TENM2: variants seen among roughly 807,000 people sequenced by gnomAD.
TENM2 encodes teneurin transmembrane protein 2.
A neutral mutation model predicts 245.2 loss-of-function variants in TENM2; 52 were observed. The ratio of observed to expected loss-of-function variants is 0.21; its 90% CI spans 0.17 to 0.27. The LOEUF is 0.27. Ranked by LOEUF, TENM2 falls within the 10% of genes least tolerant of loss-of-function variation. The probability of loss-of-function intolerance (pLI) is 1.00; values close to 1 mark genes in which losing one functional copy is unlikely to be tolerated. For synonymous variants in TENM2, 1,363 were observed against 1,438.9 expected, an observed-to-expected ratio of 0.95 and a Z score of 1.19; for missense variants, 3,046 against 3,666.8, an observed-to-expected ratio of 0.83 and a Z score of 4.37.
chr5:167,312,140 C>T (rs1320888760), intron 1 of TENM2, among the ~76,000 whole-genome samples: 1 of 152,014 alleles, frequency 6.6e-6, no homozygotes, highest in Non-Finnish European at 1.5e-5. Flanking sequence ...CATAAATATA[C>T]GTATGTTAGA....
chr5:167,544,273 A>G (rs961130833), intron 2 of TENM2, among the ~76,000 whole-genome samples: 1 of 152,176 alleles, frequency 6.6e-6, no homozygotes, highest in African/African-American at 2.4e-5. Context: ...GGAGAGAATT[A>G]TCAGCACAGA....
At chr5:167,705,197 C>T (rs1442764455) in intron 2 of TENM2, among the ~76,000 whole-genome samples, 1 of 152,130 alleles carries the variant, frequency 6.6e-6, no homozygotes, top group African/African-American at 2.4e-5. Flanking sequence ...CCTATAGTAA[C>T]CCTTTTAGCA....
chr5:167,319,604 A>G (rs1756594050), intron 1 of TENM2, among the ~76,000 whole-genome samples: 1 of 152,164 alleles, frequency 6.6e-6, no homozygotes, highest in Admixed American at 6.6e-5. Flanking sequence ...AACAATACTC[A>G]GGGAAGTCTA....
the TENM2 span, among the ~76,000 whole-genome samples, chr5:167,061,336 G>A: frequency 1.3e-5 from 2 of 152,152 alleles, no homozygotes; most frequent in African/African-American, 2.4e-5. Context: ...TGGTTTGCAA[G>A]GGTAACACCT....
chr5:167,073,473 A>G, the TENM2 span, among the ~76,000 whole-genome samples: 21 of 152,276 alleles, frequency 1.4e-4, no homozygotes, highest in Admixed American at 2.6e-4. Flanking sequence ...CTCTGTGCAG[A>G]AAAGGATTTT....
intron 2 of TENM2, among the ~76,000 whole-genome samples, chr5:167,627,849 G>T (rs573000179): frequency 6.6e-6 from 1 of 152,118 alleles, no homozygotes; most frequent in Non-Finnish European, 1.5e-5. Flanking sequence ...GAGCCACCAC[G>T]CCTGGTCCGA....
At chr5:167,576,791 A>C (rs1199733200) in intron 2 of TENM2, among the ~76,000 whole-genome samples, 4 of 152,218 alleles carry the variant, frequency 2.6e-5, no homozygotes, top group African/African-American at 9.6e-5. Context: ...ATAGAATTTC[A>C]TTGCTCTGAG....
chr5:167,563,386 G>A (rs573123044), intron 2 of TENM2, among the ~76,000 whole-genome samples: 1 of 152,262 alleles, frequency 6.6e-6, no homozygotes, highest in East Asian at 1.9e-4. Context: ...CCTGTGAAAA[G>A]ACCTTCTGAT....
chr5:167,401,113 A>G (rs1762344675), intron 2 of TENM2, among the ~76,000 whole-genome samples: 1 of 152,080 alleles, frequency 6.6e-6, no homozygotes, highest in African/African-American at 2.4e-5. Flanking sequence ...AGAAATTTTT[A>G]CAAAACCTAA....
chr5:167,511,027 A>C (rs538026259), intron 2 of TENM2, among the ~76,000 whole-genome samples: 2 of 152,280 alleles, frequency 1.3e-5, no homozygotes, highest in Non-Finnish European at 2.9e-5. Context: ...ATTCCTTCTT[A>C]ACACCATCCC....
At chr5:168,182,335 A>G (rs1434080544) in intron 13 of TENM2, among the ~76,000 whole-genome samples, 1 of 152,202 alleles carries the variant, frequency 6.6e-6, no homozygotes, top group Non-Finnish European at 1.5e-5. Flanking sequence ...AGCAGGAAAT[A>G]TCATTAAGAA....
intron 19 of TENM2, among the ~76,000 whole-genome samples, chr5:168,208,056 T>C (rs1762504880): frequency 6.6e-6 from 1 of 152,186 alleles, no homozygotes; most frequent in South Asian, 2.1e-4. Context: ...CCTAAAGCCC[T>C]GGAGCAGAGT....
At chr5:167,516,466 C>T (rs958882727) in intron 2 of TENM2, among the ~76,000 whole-genome samples, 3 of 152,096 alleles carry the variant, frequency 2.0e-5, no homozygotes, top group Admixed American at 6.6e-5. Flanking sequence ...AATCTCTGCA[C>T]CTAGAAGAAT....
intron 2 of TENM2, among the ~76,000 whole-genome samples, chr5:167,803,094 C>A (rs1765902129): frequency 6.6e-6 from 1 of 152,088 alleles, no homozygotes; most frequent in Non-Finnish European, 1.5e-5. Flanking sequence ...AGAAATGTAG[C>A]AAATCAATAA....
In TENM2 at chr5:168,011,447, G is replaced by A. The variant is rs191641936; in HGVS notation, c.1186+18265G>A. 2.2e-3 allele frequency among the ~76,000 whole-genome samples: 332 copies of A among 152,320 alleles called. No individual in the cohort carries two copies. The Middle Eastern group carries it at 0.024, about 11-fold the overall frequency. On this transcript the variant is annotated intron_variant, in intron 5 of 28. Transcript: ENST00000518659. The stretch of plus-strand genomic sequence containing the variant: ...CTGCTAAACATTTTTCAATGCACAG[G>A]ACAGCCCCTGGTTAAAGAATTATCT...
intron 6 of TENM2, among the ~76,000 whole-genome samples, chr5:168,058,023 T>G (rs1789706353): frequency 6.6e-6 from 1 of 152,212 alleles, no homozygotes; most frequent in South Asian, 2.1e-4. Flanking sequence ...CAGACAATAG[T>G]GGCTCCCAGC....
At chr5:167,731,179 T>A (rs1160403615) in intron 2 of TENM2, among the ~76,000 whole-genome samples, 1 of 148,146 alleles carries the variant, frequency 6.8e-6, no homozygotes, top group East Asian at 2.0e-4. Flanking sequence ...TTGACTAAAA[T>A]GAGTTTCTAC....
intron 5 of TENM2, among the ~76,000 whole-genome samples, chr5:168,022,016 C>CT (rs1235417902): frequency 1.3e-4 from 20 of 152,166 alleles, no homozygotes; most frequent in African/African-American, 4.6e-4. Context: ...ACACTGAGAC[C>CT]TAGAGATTGT....
chr5:167,436,724 G>T (rs1764575438), intron 2 of TENM2, among the ~76,000 whole-genome samples: 1 of 151,948 alleles, frequency 6.6e-6, no homozygotes, highest in African/African-American at 2.4e-5. Context: ...CTAGGGACTT[G>T]GTGCCCTGTG....
Sources: gnomAD v4.1 joint callset for allele counts (sites outside exome capture counted in the v4.1 genomes callset) on GRCh38, gnomAD v4.1.1 for gene constraint, MANE v1.5 for transcripts, NCBI Gene and HGNC (gene_info 2026-07-23, HGNC 2026-07-21) for gene names.